KYNU: variants seen among roughly 807,000 people sequenced by gnomAD.
The protein encoded by KYNU is L-kynurenine hydrolase.
KYNU carries 54 observed loss-of-function variants against 59.2 expected under a neutral mutation model. The observed-to-expected ratio is 0.91, with a 90% confidence interval of 0.73 to 1.14. KYNU has a LOEUF of 1.14. Among genes scored for constraint, KYNU ranks in the 50% most tolerant of loss-of-function variants. The pLI is 0.00. For missense variants in KYNU, 567 were observed against 554.4 expected (o/e 1.02, Z -0.23); for synonymous variants, 177 against 192.0 (o/e 0.92, Z 0.65).
chr2:142,968,315 T>C (rs1331220668), intron 8 of KYNU, among the ~76,000 whole-genome samples: 1 of 152,144 alleles, frequency 6.6e-6, no homozygotes, highest in Non-Finnish European at 1.5e-5. Context: ...TAAAATCCCT[T>C]CTAGAAAGTT....
chr2:142,986,092 C>A, intron 10 of KYNU, 71 bp downstream of exon 10: 1 of 1,046,644 alleles, frequency 9.6e-7, no homozygotes, highest in Non-Finnish European at 1.5e-6. Flanking sequence ...GTTAAATTTA[C>A]ATGAGTTCCT....
intron 4 of KYNU, among the ~76,000 whole-genome samples, chr2:142,935,175 G>A (rs922869518): frequency 3.3e-5 from 5 of 152,330 alleles, no homozygotes; most frequent in Non-Finnish European, 7.3e-5. Flanking sequence ...TGAACCAAAG[G>A]TTTAAGATAG....
chr2:142,882,337 T>C (rs1381480937), intron 1 of KYNU, among the ~76,000 whole-genome samples: 1 of 152,182 alleles, frequency 6.6e-6, no homozygotes, highest in African/African-American at 2.4e-5. Context: ...CAACTTTTTT[T>C]TTTTAATTAT....
rs61229238 is a variant in KYNU, at chr2:143,047,852, C to CTTTTTTTTTTTTTTT, written c.*5692_*5706dup. The CTTTTTTTTTTTTTTT allele has an allele frequency of 5.0e-5, 5 of 100,336 alleles. 2 individuals are homozygous for CTTTTTTTTTTTTTTT. The highest frequency in any genetic ancestry group is 5.7e-5 in the Non-Finnish European group (3 of 52,724). 6.2% of individuals were successfully genotyped at this position (100,336 alleles called of 1,614,324 possible). On this transcript the variant is annotated 3_prime_UTR_variant, in exon 14 of 14. Coordinates refer to ENST00000264170, the MANE Select transcript of KYNU (RefSeq NM_003937.3). Reference sequence around the variant, plus strand: ...GGCATAAGCTGCCACTCCTGGACCTCTTTTTTTTTTTTTTTTTTTTTTTTT... The same window carrying CTTTTTTTTTTTTTTT: ...GGCATAAGCTGCCACTCCTGGACCTCTTTTTTTTTTTTTTTTTTTTTTTTTTTTTTTTTTTTTTTT...
At chr2:142,887,168 T>TCAACAA (rs78289913) in intron 2 of KYNU, among the ~76,000 whole-genome samples, 1,830 of 150,478 alleles carry the variant, frequency 0.012, 37 homozygotes, top group African/African-American at 0.041. Flanking sequence ...AGGCTCCATC[T>TCAACAA]CAACAACAAC....
intron 10 of KYNU, among the ~76,000 whole-genome samples, chr2:143,021,422 C>T (rs895243825): frequency 6.6e-6 from 1 of 152,074 alleles, no homozygotes; most frequent in African/African-American, 2.4e-5. Context: ...AGGCTTTTCT[C>T]ACATTGCTAT....
intron 10 of KYNU, among the ~76,000 whole-genome samples, chr2:143,017,101 A>G (rs764959613): frequency 1.3e-5 from 2 of 152,142 alleles, no homozygotes; most frequent in African/African-American, 2.4e-5. Flanking sequence ...TTATGACTGT[A>G]TAGTATTCCA....
At chr2:142,961,792 A>G (rs1684360687) in intron 8 of KYNU, among the ~76,000 whole-genome samples, 1 of 152,220 alleles carries the variant, frequency 6.6e-6, no homozygotes, top group African/African-American at 2.4e-5. Context: ...TTGTGTTTAA[A>G]ATCTTTAAAT....
chr2:142,898,907 A>T (rs566405357), intron 2 of KYNU, among the ~76,000 whole-genome samples: 46 of 152,318 alleles, frequency 3.0e-4, no homozygotes, highest in African/African-American at 1.1e-3. Flanking sequence ...GAACCCAGGC[A>T]CTTAGCTGTG....
intron 2 of KYNU, among the ~76,000 whole-genome samples, chr2:142,902,380 G>GA (rs1346677207): frequency 6.6e-6 from 1 of 152,204 alleles, no homozygotes; most frequent in African/African-American, 2.4e-5. Flanking sequence ...TTAGGGCCTG[G>GA]AAAGCTGCTT....
At chr2:142,961,031 G>A (rs1229560988) in intron 8 of KYNU, among the ~76,000 whole-genome samples, 1 of 151,726 alleles carries the variant, frequency 6.6e-6, no homozygotes, top group African/African-American at 2.4e-5. Context: ...CATCTCTACT[G>A]AAAATACAAA....
rs1243876239 is a variant in KYNU at position 142,972,807 on chromosome 2, T to TAGAGAGAGAGAG, written c.729+12038_729+12039insGAGAGAGAGAGA. 3.6e-5 allele frequency among the ~76,000 whole-genome samples: 5 copies of TAGAGAGAGAGAG among 138,282 alleles called. No individual in the cohort carries two copies. The East Asian group carries it at 8.2e-4, about 23-fold the overall frequency. 90.7% of individuals were successfully genotyped at this position (138,282 alleles called of 152,430 possible). A position where few individuals can be genotyped will look rare whatever the true frequency, so the allele number is the denominator to read the frequency against. On this transcript the variant is annotated intron_variant, in intron 8 of 13. Transcript: ENST00000264170. ...GACAGAGGCCATATATATATATATA[T>TAGAGAGAGAGAG]ATATATAGAGAGAGAGAGAGAGAGA...
At chr2:142,969,655 T>C (rs1684658698) in intron 8 of KYNU, among the ~76,000 whole-genome samples, 1 of 152,216 alleles carries the variant, frequency 6.6e-6, no homozygotes, top group African/African-American at 2.4e-5. Context: ...GGCCTCCAGA[T>C]GTTGTTATAG....
At chr2:142,996,556 T>A (rs1354388425) in intron 10 of KYNU, among the ~76,000 whole-genome samples, 1 of 152,026 alleles carries the variant, frequency 6.6e-6, no homozygotes, top group Non-Finnish European at 1.5e-5. Flanking sequence ...AAGAGGGATG[T>A]TGGGAGAACC....
At chr2:142,925,852 T>G (rs1302124053) in intron 3 of KYNU, among the ~76,000 whole-genome samples, 1 of 152,172 alleles carries the variant, frequency 6.6e-6, no homozygotes, top group African/African-American at 2.4e-5. Flanking sequence ...CCCAGGTTGG[T>G]ACTATACAAA....
rs1202446910 is a variant in KYNU at position 143,007,809 on chromosome 2, G to T, written c.902+21788G>T. ...AGAATTTCATACCCAGCCAAACTAA[G>T]CTTCATAAGTGAAGGAGAAATAAAA... On this transcript the variant is annotated intron_variant, in intron 10 of 13. Transcript: ENST00000264170. 1.5e-4 allele frequency among the ~76,000 whole-genome samples: 18 copies of T among 123,920 alleles called. 1 individual carries two copies. Among genetic ancestry groups the T allele is most frequent in the South Asian group, 5.6e-4 (2 of 3,594 alleles). The allele number at this position is 123,920 out of a possible 152,430, so 81.3% of individuals were successfully genotyped here.
At chr2:142,963,925 G>A (rs2105106466) in intron 8 of KYNU, among the ~76,000 whole-genome samples, 1 of 152,236 alleles carries the variant, frequency 6.6e-6, no homozygotes, top group South Asian at 2.1e-4. Flanking sequence ...GAAATCTCAA[G>A]TGCTCCAATG....
chr2:142,954,716 A>G, intron 4 of KYNU, 94 bp from the exon 5 acceptor site: 1 of 827,718 alleles, frequency 1.2e-6, no homozygotes, highest in Non-Finnish European at 2.1e-6. Context: ...CTCTAAAGAC[A>G]TTAAGAATGA....
At chr2:142,906,955 A>T (rs183093421) in intron 2 of KYNU, among the ~76,000 whole-genome samples, 11 of 152,346 alleles carry the variant, frequency 7.2e-5, no homozygotes, top group Non-Finnish European at 1.6e-4. Context: ...GCCTTTTCCC[A>T]GGAAGCCTCA....
Sources: allele counts gnomAD v4.1 joint callset (sites outside exome capture counted in the v4.1 genomes callset), GRCh38; gene constraint gnomAD v4.1.1; transcripts MANE v1.5; gene names NCBI Gene and HGNC (gene_info 2026-07-23, HGNC 2026-07-21).